ARID5B: variants seen among roughly 807,000 people sequenced by gnomAD.
ARID5B encodes the protein AT-rich interactive domain-containing protein 5B.
In ARID5B, 13 loss-of-function variants were observed where a neutral mutation model predicts 97.2. The observed-to-expected ratio is 0.13, with a 90% CI of 0.09 to 0.21. The LOEUF is 0.21. ARID5B is among the 10% of genes least tolerant of loss of function. The pLI, the probability that ARID5B is intolerant of heterozygous loss-of-function variation, is 1.00. For missense variants in ARID5B, 1,210 were observed against 1,465.3 expected, an observed-to-expected ratio of 0.83 and a Z score of 2.84; for synonymous variants, 556 against 570.3, an observed-to-expected ratio of 0.97 and a Z score of 0.36.
rs575136460 is a variant in ARID5B, at chr10:61,958,504, G to A, written c.502+18096G>A. Among the ~76,000 whole-genome samples the A allele has an allele frequency of 3.4e-3, 518 of 152,262 alleles. 1 individual carries two copies. The highest frequency in any genetic ancestry group is 0.01 in the South Asian group (50 of 4,828). On this transcript the variant is annotated intron_variant, in intron 3 of 9. Transcript: ENST00000279873. ...GCCTTCCAAAGTGCTGGGATTAGAG[G>A]TGTGAGCCGCCGCGCCCGGCCGTGA...
chr10:61,996,899 T>A lies in ARID5B; in HGVS notation c.503-3192T>A, dbSNP rs184306647. The stretch of plus-strand genomic sequence containing the variant: ...GTCTGACAACTGAAAAAAAAAAATA[T>A]ATATATATATATATTTCAAAATCCA... On this transcript the variant is annotated intron_variant, in intron 3 of 9. Transcript: ENST00000279873. Among the ~76,000 whole-genome samples the A allele has an allele frequency of 8.7e-3, 1,310 of 150,294 alleles. 25 individuals carry two copies. The highest frequency in any genetic ancestry group is 0.03 in the African/African-American group (1,252 of 41,056).
chr10:61,980,089 G>A (rs576692913), intron 3 of ARID5B, among the ~76,000 whole-genome samples: 186 of 150,044 alleles, frequency 1.2e-3, no homozygotes, highest in African/African-American at 4.5e-3. Flanking sequence ...GCGAGACTCT[G>A]TCTCAAAAAA....
chr10:61,990,956 T>A (rs949354836), intron 3 of ARID5B, among the ~76,000 whole-genome samples: 3 of 151,822 alleles, frequency 2.0e-5, no homozygotes, highest in Non-Finnish European at 4.4e-5. Context: ...CAACTTCTAT[T>A]CTATTTTCTG....
chr10:62,053,330 C>A (rs952381525), intron 5 of ARID5B, among the ~76,000 whole-genome samples: 3 of 152,210 alleles, frequency 2.0e-5, no homozygotes, highest in African/African-American at 7.2e-5. Context: ...GTGGGACCCA[C>A]TGGGTTTGTT....
At chr10:62,042,813 G>A (rs1839656130) in intron 4 of ARID5B, among the ~76,000 whole-genome samples, 1 of 151,800 alleles carries the variant, frequency 6.6e-6, no homozygotes, top group African/African-American at 2.4e-5. Flanking sequence ...TACTCGGGAG[G>A]CCGAGGCAGG....
chr10:61,904,369 G>C (rs1213074518), intron 2 of ARID5B, among the ~76,000 whole-genome samples: 1 of 152,128 alleles, frequency 6.6e-6, no homozygotes, highest in Non-Finnish European at 1.5e-5. Context: ...TAATTAAATG[G>C]TGAATTCTGA....
chr10:61,983,176 A>C (rs1401921380), intron 3 of ARID5B, among the ~76,000 whole-genome samples: 1 of 152,174 alleles, frequency 6.6e-6, no homozygotes, highest in Non-Finnish European at 1.5e-5. Context: ...ACTCGGCTTG[A>C]AGTAAGGACC....
At chr10:61,911,936 G>A (rs1315427653) in intron 2 of ARID5B, among the ~76,000 whole-genome samples, 1 of 152,168 alleles carries the variant, frequency 6.6e-6, no homozygotes, top group Non-Finnish European at 1.5e-5. Context: ...GCTACTGGAA[G>A]TTGGGTTTCT....
At chr10:62,051,731 G>A (rs934940479) in intron 5 of ARID5B, among the ~76,000 whole-genome samples, 1 of 152,134 alleles carries the variant, frequency 6.6e-6, no homozygotes, top group Non-Finnish European at 1.5e-5. Context: ...TGACTTTTGT[G>A]GGCTTGGGTC....
chr10:62,085,938 C>A (rs1222517772), intron 9 of ARID5B, 38 bp downstream of exon 9: 34 of 1,588,466 alleles, frequency 2.1e-5, no homozygotes, highest in Non-Finnish European at 2.7e-5. Flanking sequence ...CTCTGGAAGA[C>A]ATGTGCTGCC....
chr10:61,971,640 T>G, intron 3 of ARID5B, among the ~76,000 whole-genome samples: 1 of 152,368 alleles, frequency 6.6e-6, no homozygotes, highest in South Asian at 2.1e-4. Context: ...TGAACCTTCA[T>G]GTAAACTGTA....
At chr10:62,005,327 G>A (rs1281693419) in intron 4 of ARID5B, among the ~76,000 whole-genome samples, 1 of 152,124 alleles carries the variant, frequency 6.6e-6, no homozygotes, top group African/African-American at 2.4e-5. Flanking sequence ...CTGTAAAATC[G>A]GGTAATAACA....
At chr10:61,988,711 G>A (rs796480398) in intron 3 of ARID5B, among the ~76,000 whole-genome samples, 10 of 152,110 alleles carry the variant, frequency 6.6e-5, no homozygotes, top group South Asian at 4.1e-4. Flanking sequence ...GTGCCTCTTC[G>A]GACCCAGGAC....
chr10:61,999,454 C>T (rs966355403), intron 3 of ARID5B, among the ~76,000 whole-genome samples: 5 of 152,196 alleles, frequency 3.3e-5, no homozygotes, highest in African/African-American at 7.2e-5. Context: ...GCAAAATCAT[C>T]TGGCAACACA....
At chr10:62,004,981 A>T (rs1839128068) in intron 4 of ARID5B, among the ~76,000 whole-genome samples, 1 of 152,226 alleles carries the variant, frequency 6.6e-6, no homozygotes, top group African/African-American at 2.4e-5. Flanking sequence ...CTTAAAAAAG[A>T]GATACAGTTT....
intron 7 of ARID5B, among the ~76,000 whole-genome samples, chr10:62,062,136 A>G (rs1159645885): frequency 1.3e-5 from 2 of 152,350 alleles, no homozygotes; most frequent in Non-Finnish European, 2.9e-5. Context: ...GAGATGTTCA[A>G]TGGGCATTGA....
In ARID5B at chr10:61,950,488, G is replaced by A. The variant is rs186083499; in HGVS notation, c.502+10080G>A. ...GTTCAAGAGGAACCTGGGCAACATA[G>A]TGAGACCTGTCTCTGCAAAAAAATT... On this transcript the variant is annotated intron_variant, in intron 3 of 9. Coordinates refer to ENST00000279873, the MANE Select transcript of ARID5B (RefSeq NM_032199.3). Among the ~76,000 whole-genome samples, 15 of 152,326 alleles carry A rather than the reference G, an allele frequency of 9.8e-5. No homozygotes were observed. In the East Asian group the frequency reaches 2.9e-3, roughly 29 times the overall value.
chr10:61,977,581 T>G (rs1838718351), intron 3 of ARID5B, among the ~76,000 whole-genome samples: 1 of 152,224 alleles, frequency 6.6e-6, no homozygotes, highest in Non-Finnish European at 1.5e-5. Flanking sequence ...CTCATTGTGG[T>G]TTTGATTTGC....
At chr10:61,915,312 T>A (rs1014345322) in intron 2 of ARID5B, among the ~76,000 whole-genome samples, 2 of 152,146 alleles carry the variant, frequency 1.3e-5, no homozygotes, top group African/African-American at 4.8e-5. Context: ...GCATAGTATA[T>A]AAACTTATCA....
Sources: gnomAD v4.1 joint callset for allele counts (sites outside exome capture counted in the v4.1 genomes callset) on GRCh38, gnomAD v4.1.1 for gene constraint, MANE v1.5 for transcripts, NCBI Gene and HGNC (gene_info 2026-07-23, HGNC 2026-07-21) for gene names.